The following GRM7 variants were observed in gnomAD, a reference collection of about 807,000 sequenced individuals.
GRM7 encodes glutamate metabotropic receptor 7.
A neutral mutation model predicts 84.5 loss-of-function variants in GRM7; 35 were observed. That is an observed-to-expected ratio of 0.41 (90% confidence interval 0.32 to 0.55). The LOEUF is 0.55. GRM7 is among the 20% of genes least tolerant of loss of function. GRM7 has a pLI of 0.19. For synonymous variants in GRM7, 487 were observed against 455.1 expected (o/e 1.07, Z -0.89); for missense variants, 1,003 against 1,194.6 (o/e 0.84, Z 2.36).
At chr3:7,700,311 G>A (rs1701180925) in intron 9 of GRM7, among the ~76,000 whole-genome samples, 1 of 152,176 alleles carries the variant, frequency 6.6e-6, no homozygotes, top group South Asian at 2.1e-4. Context: ...TGGAATTGTA[G>A]GATCCAAGCA....
chr3:7,511,357 T>G (rs1700191963), intron 7 of GRM7, among the ~76,000 whole-genome samples: 3 of 150,726 alleles, frequency 2.0e-5, no homozygotes, highest in Admixed American at 2.0e-4. Flanking sequence ...CTGAGCCTAT[T>G]CCCTTCTCCC....
At chr3:7,501,928 G>A (rs898913607) in intron 7 of GRM7, among the ~76,000 whole-genome samples, 5 of 152,160 alleles carry the variant, frequency 3.3e-5, no homozygotes, top group African/African-American at 4.8e-5. Flanking sequence ...CTGCAGTTGA[G>A]TTTTCTATCC....
At chr3:7,091,864 A>G (rs1698676674) in intron 1 of GRM7, among the ~76,000 whole-genome samples, 1 of 151,194 alleles carries the variant, frequency 6.6e-6, no homozygotes, top group South Asian at 2.1e-4. Flanking sequence ...GCCTTAACAC[A>G]ATGTAGGACA....
At chr3:7,127,196 A>T (rs1414354578) in intron 1 of GRM7, among the ~76,000 whole-genome samples, 2 of 152,196 alleles carry the variant, frequency 1.3e-5, no homozygotes, top group Non-Finnish European at 2.9e-5. Flanking sequence ...ACAGTTCTAG[A>T]CAGCAACCAC....
intron 5 of GRM7, among the ~76,000 whole-genome samples, chr3:7,417,416 T>A (rs1297900613): frequency 6.6e-6 from 1 of 152,170 alleles, no homozygotes; most frequent in East Asian, 1.9e-4. Flanking sequence ...CATATGTACA[T>A]CTTTCTTTGA....
At chr3:7,422,932 A>C (rs1696456079) in intron 5 of GRM7, among the ~76,000 whole-genome samples, 1 of 152,130 alleles carries the variant, frequency 6.6e-6, no homozygotes, top group African/African-American at 2.4e-5. Context: ...AGTACAAGCA[A>C]AGTAGATGGA....
At chr3:7,530,016 C>T (rs752422872) in intron 7 of GRM7, among the ~76,000 whole-genome samples, 2 of 151,018 alleles carry the variant, frequency 1.3e-5, no homozygotes, top group Admixed American at 6.6e-5. Context: ...TAGGTATACA[C>T]GTGCCATGGT....
chr3:7,024,742 A>G (rs1487367896), intron 1 of GRM7, among the ~76,000 whole-genome samples: 1 of 152,206 alleles, frequency 6.6e-6, no homozygotes, highest in Non-Finnish European at 1.5e-5. Flanking sequence ...CCGTAACTCT[A>G]AACAAGGGCT....
At chr3:7,437,019 C>G (rs539548321) in intron 5 of GRM7, among the ~76,000 whole-genome samples, 1 of 152,220 alleles carries the variant, frequency 6.6e-6, no homozygotes, top group South Asian at 2.1e-4. Context: ...ACATCAAGTC[C>G]AATGTATACT....
intron 7 of GRM7, among the ~76,000 whole-genome samples, chr3:7,541,662 A>G (rs1692888770): frequency 2.0e-5 from 3 of 152,142 alleles, no homozygotes; most frequent in South Asian, 2.1e-4. Flanking sequence ...TATTGTGACA[A>G]CCTTAATCCA....
intron 1 of GRM7, among the ~76,000 whole-genome samples, chr3:6,910,624 C>T (rs1475885886): frequency 1.3e-5 from 2 of 152,008 alleles, no homozygotes; most frequent in African/African-American, 2.4e-5. Flanking sequence ...TTAGTTTGTA[C>T]ACATGTAGGC....
intron 1 of GRM7, among the ~76,000 whole-genome samples, chr3:7,017,319 A>G (rs574054380): frequency 3.0e-4 from 46 of 152,340 alleles, no homozygotes; most frequent in Non-Finnish European, 5.1e-4. Flanking sequence ...GCTTTTAATA[A>G]TTAGACTAAT....
intron 1 of GRM7, among the ~76,000 whole-genome samples, chr3:7,051,121 A>T (rs1574837178): frequency 1.3e-5 from 2 of 151,946 alleles, no homozygotes; most frequent in East Asian, 3.9e-4. Context: ...ATTAAAGGTA[A>T]AAATCTGAGA....
chr3:7,291,523 TCTCTCTCTCTCTCTCTCTCTCTC>T, intron 2 of GRM7, among the ~76,000 whole-genome samples: 1 of 139,040 alleles, frequency 7.2e-6, no homozygotes, highest in Non-Finnish European at 1.6e-5. Flanking sequence ...TCTCTCTCTC[TCTCTCTCTCTCTCTCTCTCTCTC>T]TCTCTCTCAA....
At chr3:7,294,308 C>G (rs1390009697) in intron 2 of GRM7, among the ~76,000 whole-genome samples, 2 of 152,034 alleles carry the variant, frequency 1.3e-5, no homozygotes, top group Non-Finnish European at 2.9e-5. Context: ...AAAATTATAC[C>G]CCTTCTGTTG....
chr3:7,128,914 T>C (rs1448682183), intron 1 of GRM7, among the ~76,000 whole-genome samples: 1 of 152,106 alleles, frequency 6.6e-6, no homozygotes, highest in African/African-American at 2.4e-5. Context: ...TAAACTATCA[T>C]AAAGTTGCTT....
At chr3:7,568,626 C>T (rs1694451473) in intron 7 of GRM7, among the ~76,000 whole-genome samples, 1 of 152,194 alleles carries the variant, frequency 6.6e-6, no homozygotes, top group Non-Finnish European at 1.5e-5. Flanking sequence ...ACCGGGGCTG[C>T]CCCCGGCGCT....
At chr3:7,185,856 A>G (rs1695495481) in intron 2 of GRM7, among the ~76,000 whole-genome samples, 2 of 152,334 alleles carry the variant, frequency 1.3e-5, no homozygotes, top group African/African-American at 2.4e-5. Context: ...AAAGTCTCCA[A>G]ATCATGCCCA....
chr3:7,141,819 G>T (rs953182361), intron 1 of GRM7, among the ~76,000 whole-genome samples: 1 of 151,890 alleles, frequency 6.6e-6, no homozygotes, highest in African/African-American at 2.4e-5. Context: ...GTTCTTTTCT[G>T]TCATTAAAGA....
Sources: gnomAD v4.1 joint callset for allele counts (sites outside exome capture counted in the v4.1 genomes callset) on GRCh38, gnomAD v4.1.1 for gene constraint, MANE v1.5 for transcripts, NCBI Gene and HGNC (gene_info 2026-07-23, HGNC 2026-07-21) for gene names.